The following ASCC1 variants were observed in gnomAD, a reference collection of about 807,000 sequenced individuals.
ASCC1 encodes the protein ASC-1 complex subunit P50.
In ASCC1, 35 loss-of-function variants were observed where a neutral mutation model predicts 46.6. The ratio of observed to expected loss-of-function variants is 0.75; its 90% CI spans 0.57 to 0.99. The LOEUF (loss-of-function observed/expected upper bound fraction) is 0.99. ASCC1 is among the 50% of genes least tolerant of loss of function. The pLI, the probability that ASCC1 is intolerant of heterozygous loss-of-function variation, is 0.00. For missense variants in ASCC1, 376 were observed against 428.7 expected (o/e 0.88, Z 1.09); for synonymous variants, 143 against 146.6 (o/e 0.98, Z 0.18).
chr10:72,113,949 G>A (rs1341160667), intron 9 of ASCC1, among the ~76,000 whole-genome samples: 1 of 152,132 alleles, frequency 6.6e-6, no homozygotes, highest in East Asian at 1.9e-4. Context: ...ACATTTTTCT[G>A]ACATTCATGC....
chr10:72,172,295 A>G (rs1436565141), intron 5 of ASCC1, among the ~76,000 whole-genome samples: 4 of 151,730 alleles, frequency 2.6e-5, no homozygotes, highest in Non-Finnish European at 4.4e-5. Context: ...CACAACTGTA[A>G]TCCCAGCTAC....
At chr10:72,188,907 C>A (rs1454896529) in intron 5 of ASCC1, among the ~76,000 whole-genome samples, 1 of 152,022 alleles carries the variant, frequency 6.6e-6, no homozygotes, top group Non-Finnish European at 1.5e-5. Flanking sequence ...CAGATATGTG[C>A]CACCACTGCG....
At chr10:72,187,593 G>A (rs975660203) in intron 5 of ASCC1, among the ~76,000 whole-genome samples, 1 of 151,896 alleles carries the variant, frequency 6.6e-6, no homozygotes, top group Non-Finnish European at 1.5e-5. Flanking sequence ...AGTGGCGAGC[G>A]CCTGTAGTCC....
intron 5 of ASCC1, chr10:72,190,144 T>C: frequency 2.6e-6 from 2 of 762,236 alleles, no homozygotes; most frequent in Non-Finnish European, 4.8e-6. Context: ...ATGTTCGCTG[T>C]GGTGGCCGAA....
At chr10:72,203,383 T>C (rs754846819) in intron 4 of ASCC1, 44 bp downstream of exon 4, 3 of 1,404,116 alleles carry the variant, frequency 2.1e-6, no homozygotes, top group Non-Finnish European at 3.0e-6. Context: ...TCCATAAACA[T>C]GCAAAAGTGA....
chr10:72,203,568 C>A, intron 3 of ASCC1, 44 bp from the exon 4 acceptor site: 1 of 1,361,066 alleles, frequency 7.3e-7, no homozygotes, highest in Non-Finnish European at 1.0e-6. Flanking sequence ...CAAAATGTAC[C>A]AAAATAAAGA....
intron 6 of ASCC1, among the ~76,000 whole-genome samples, chr10:72,156,691 G>A (rs964204548): frequency 2.7e-5 from 4 of 150,500 alleles, no homozygotes; most frequent in Non-Finnish European, 5.9e-5. Flanking sequence ...AGAATGGCGC[G>A]AACCCAGGGG....
Position 72,196,835 on chromosome 10 carries a change from C to T in ASCC1, c.465G>A (p.Glu155=), listed in dbSNP as rs1855504748. The change falls in exon 5 of 10, where the codon GAG becomes GAA. Residue 155 remains glutamate, a synonymous_variant. Transcript: ENST00000672957. The part of the protein sequence containing the change: ...EVQEGFLRFQ[E]EVLAKCSMDH... ...CCATGGAGCACTTCGCCAGTACTTC[C>T]TCCTGGAATCTCAGGAATCCTTCCT... is the stretch of plus-strand genomic sequence containing the variant. 3.7e-6 allele frequency: 6 copies of T among 1,613,098 alleles called. No homozygotes were observed. In the South Asian group the frequency reaches 5.5e-5, roughly 15 times the overall value.
At chr10:72,108,822 G>T (rs1842627847) in intron 9 of ASCC1, among the ~76,000 whole-genome samples, 1 of 152,156 alleles carries the variant, frequency 6.6e-6, no homozygotes, top group South Asian at 2.1e-4. Context: ...ATCACTGCAG[G>T]AACCAAAATG....
upstream of ASCC1, chr10:72,216,823 G>T: frequency 2.2e-6 from 1 of 456,074 alleles, no homozygotes; most frequent in South Asian, 1.5e-5. Flanking sequence ...CAACTTACCT[G>T]ACAGGGCCAA....
intron 5 of ASCC1, 143 bp downstream of exon 5, chr10:72,196,667 TC>T (rs1855475530): frequency 3.6e-6 from 3 of 825,250 alleles, no homozygotes; most frequent in African/African-American, 1.8e-5. Context: ...TTTTTTCAGT[TC>T]AATATAAGAA....
intron 9 of ASCC1, 128 bp downstream of exon 9, chr10:72,127,954 A>C (rs530158634): frequency 1.3e-6 from 1 of 783,132 alleles, no homozygotes. Context: ...CCCTTTAGAT[A>C]ATTAAAAAAA....
At chr10:72,131,197 G>A (rs1470264777) in intron 8 of ASCC1, among the ~76,000 whole-genome samples, 1 of 152,114 alleles carries the variant, frequency 6.6e-6, no homozygotes, top group African/African-American at 2.4e-5. Flanking sequence ...GAGGCAGGTG[G>A]ATCACAAGGT....
chr10:72,163,311 C>CATG (rs1849929917), intron 5 of ASCC1, among the ~76,000 whole-genome samples: 1 of 152,156 alleles, frequency 6.6e-6, no homozygotes, highest in African/African-American at 2.4e-5. Flanking sequence ...AATACATGTA[C>CATG]ATGCATGTTT....
At chr10:72,135,171 A>G (rs1321726704) in intron 7 of ASCC1, among the ~76,000 whole-genome samples, 5 of 152,264 alleles carry the variant, frequency 3.3e-5, no homozygotes, top group Non-Finnish European at 7.3e-5. Context: ...GGAAATGGAC[A>G]GAACAAGACC....
chr10:72,168,536 A>T (rs897703507), intron 5 of ASCC1, among the ~76,000 whole-genome samples: 1 of 152,190 alleles, frequency 6.6e-6, no homozygotes, highest in African/African-American at 2.4e-5. Context: ...AAAACAAAAG[A>T]CACTATAAAT....
chr10:72,127,209 C>G (rs1426971798), intron 9 of ASCC1, among the ~76,000 whole-genome samples: 1 of 152,196 alleles, frequency 6.6e-6, no homozygotes, highest in South Asian at 2.1e-4. Context: ...TAAACCCTTA[C>G]AGAGCAAGTG....
intron 5 of ASCC1, among the ~76,000 whole-genome samples, chr10:72,192,924 C>T (rs1854766179): frequency 6.6e-6 from 1 of 152,044 alleles, no homozygotes; most frequent in African/African-American, 2.4e-5. Flanking sequence ...AAATCAAAAC[C>T]ACAATAAGAT....
intron 9 of ASCC1, among the ~76,000 whole-genome samples, chr10:72,111,714 T>A (rs557070313): frequency 6.6e-6 from 1 of 152,204 alleles, no homozygotes; most frequent in East Asian, 1.9e-4. Context: ...CGATCTTGGC[T>A]CACTGCAAGC....
Sources: gnomAD v4.1 joint callset for allele counts (sites outside exome capture counted in the v4.1 genomes callset) on GRCh38, gnomAD v4.1.1 for gene constraint, MANE v1.5 for transcripts, NCBI Gene and HGNC (gene_info 2026-07-23, HGNC 2026-07-21) for gene names.